Variants in CLDN16 observed in about 807,000 individuals in gnomAD.
CLDN16 encodes claudin 16.
Under a neutral mutation model 24.6 loss-of-function variants are expected in CLDN16, and 13 were observed. That is an observed-to-expected ratio of 0.53 (90% CI 0.34 to 0.84). The LOEUF (loss-of-function observed/expected upper bound fraction) is 0.84. Ranked by LOEUF, CLDN16 falls within the 40% of genes least tolerant of loss-of-function variation. The pLI is 0.01. For synonymous variants in CLDN16, 116 were observed against 106.7 expected (o/e 1.09, Z -0.54); for missense variants, 298 against 292.7 (o/e 1.02, Z -0.13).
intron 1 of CLDN16, among the ~76,000 whole-genome samples, chr3:190,392,009 T>G: frequency 6.6e-6 from 1 of 152,116 alleles, no homozygotes; most frequent in East Asian, 1.9e-4. Flanking sequence ...TTTGGCTCAG[T>G]TTTTTCAATT....
chr3:190,384,586 G>T (rs1422302642), upstream of CLDN16, among the ~76,000 whole-genome samples: 5 of 152,164 alleles, frequency 3.3e-5, no homozygotes, highest in African/African-American at 9.6e-5. Context: ...CCAAACTGTT[G>T]GTCTTAGAGA....
chr3:190,330,316 A>T (rs967743662), intron 1 of CLDN16, among the ~76,000 whole-genome samples: 5 of 152,320 alleles, frequency 3.3e-5, no homozygotes, highest in African/African-American at 1.2e-4. Flanking sequence ...TTATAATAAT[A>T]GTAACTAGTT....
At chr3:190,309,914 A>C in the CLDN16 span, among the ~76,000 whole-genome samples, 2 of 152,226 alleles carry the variant, frequency 1.3e-5, no homozygotes, top group Non-Finnish European at 2.9e-5. Flanking sequence ...AACAAAAGAA[A>C]GCCCAGTTAT....
intron 1 of CLDN16, among the ~76,000 whole-genome samples, chr3:190,363,552 G>GCGCATA (rs1717946530): frequency 2.5e-4 from 3 of 12,132 alleles, no homozygotes; most frequent in African/African-American, 7.9e-4. Context: ...GTGTGTGTGT[G>GCGCATA]TGTGTATATA....
the CLDN16 span, among the ~76,000 whole-genome samples, chr3:190,311,566 CT>C: frequency 4.0e-5 from 6 of 151,544 alleles, no homozygotes; most frequent in Admixed American, 2.0e-4. Context: ...TAGTTTTTTT[CT>C]ATTAGTAGAT....
upstream of CLDN16, among the ~76,000 whole-genome samples, chr3:190,384,398 C>G (rs1387936183): frequency 6.6e-6 from 1 of 152,172 alleles, no homozygotes; most frequent in East Asian, 1.9e-4. Flanking sequence ...CTGCTTCCAC[C>G]TGCAGACCAA....
At chr3:190,399,088 A>C (rs966079207) in intron 1 of CLDN16, among the ~76,000 whole-genome samples, 1 of 152,200 alleles carries the variant, frequency 6.6e-6, no homozygotes, top group African/African-American at 2.4e-5. Flanking sequence ...TGCCAAGGTG[A>C]AGTTCGCAGA....
At chr3:190,314,778 T>C in the CLDN16 span, among the ~76,000 whole-genome samples, 1 of 152,118 alleles carries the variant, frequency 6.6e-6, no homozygotes, top group African/African-American at 2.4e-5. Context: ...AAGGTTAAGT[T>C]TTACTTGATT....
chr3:190,383,699 G>C (rs1718419111), upstream of CLDN16, among the ~76,000 whole-genome samples: 1 of 152,106 alleles, frequency 6.6e-6, no homozygotes, highest in Non-Finnish European at 1.5e-5. Context: ...AAGCACCATA[G>C]GAGACAAAAA....
chr3:190,370,144 T>C (rs1425104), intron 1 of CLDN16, among the ~76,000 whole-genome samples: 134,651 of 151,900 alleles, frequency 0.89, 59,715 homozygotes, highest in East Asian at 0.94. Context: ...TCTGGAACGT[T>C]GAAAGGGTCT....
chr3:190,308,154 T>A, the CLDN16 span: 2 of 1,171,262 alleles, frequency 1.7e-6, no homozygotes, highest in Non-Finnish European at 2.5e-6. Flanking sequence ...GTTTGTTTGT[T>A]TGTTTTGTAA....
intron 1 of CLDN16, among the ~76,000 whole-genome samples, chr3:190,324,378 G>C (rs1717012179): frequency 6.6e-6 from 1 of 152,146 alleles, no homozygotes; most frequent in Non-Finnish European, 1.5e-5. Context: ...AGCTACTTGG[G>C]AGGCTGAGGT....
chr3:190,378,283 C>G (rs1718287483), intron 3 of CLDN16, among the ~76,000 whole-genome samples: 1 of 151,872 alleles, frequency 6.6e-6, no homozygotes, highest in Admixed American at 6.6e-5. Context: ...GAAGGAGGGT[C>G]TCAGTAGGTA....
intron 1 of CLDN16, among the ~76,000 whole-genome samples, chr3:190,363,669 G>A (rs938517702): frequency 6.8e-6 from 1 of 148,018 alleles, no homozygotes; most frequent in Non-Finnish European, 1.5e-5. Context: ...GAGTTGAGCT[G>A]CAGCTGTAGC....
At chr3:190,374,463 TAA>T (rs1276646989) in intron 2 of CLDN16, 2 of 151,942 alleles carry the variant, frequency 1.3e-5, no homozygotes, top group African/African-American at 4.8e-5. Context: ...AGTGGCAAGC[TAA>T]GTGTTTGCTT....
intron 1 of CLDN16, among the ~76,000 whole-genome samples, chr3:190,343,317 A>G (rs77116891): frequency 0.039 from 5,962 of 152,206 alleles, 393 homozygotes; most frequent in African/African-American, 0.13. Flanking sequence ...AAAAATGTTG[A>G]TCAGGGTGTG....
upstream of CLDN16, among the ~76,000 whole-genome samples, chr3:190,318,707 T>G (rs2108613654): frequency 6.6e-6 from 1 of 152,348 alleles, no homozygotes; most frequent in South Asian, 2.1e-4. Context: ...GAAGTATATC[T>G]GAACACCAAT....
chr3:190,399,405 G>T (rs202057264), intron 1 of CLDN16, among the ~76,000 whole-genome samples: 2 of 151,998 alleles, frequency 1.3e-5, no homozygotes, highest in African/African-American at 4.8e-5. Context: ...CCATCTACTC[G>T]GGAGGCTGAG....
intron 1 of CLDN16, among the ~76,000 whole-genome samples, chr3:190,361,845 A>G (rs1370571889): frequency 6.6e-6 from 1 of 152,082 alleles, no homozygotes; most frequent in East Asian, 2.0e-4. Context: ...GGGGCCAGAC[A>G]TGTTCAACTG....
Sources: allele counts gnomAD v4.1 joint callset (sites outside exome capture counted in the v4.1 genomes callset), GRCh38; gene constraint gnomAD v4.1.1; transcripts MANE v1.5; gene names NCBI Gene and HGNC (gene_info 2026-07-23, HGNC 2026-07-21).